MPDZ: variants seen among roughly 807,000 people sequenced by gnomAD.
MPDZ encodes the protein multiple PDZ domain crumbs cell polarity complex component.
MPDZ carries 234 observed loss-of-function variants against 239.1 expected under a neutral mutation model. The observed-to-expected ratio is 0.98, with a 90% CI of 0.88 to 1.09. The LOEUF (loss-of-function observed/expected upper bound fraction) is 1.09, where lower values mean the gene tolerates loss of function less well. MPDZ is among the 50% of genes least tolerant of loss of function. The pLI, the probability that MPDZ is intolerant of heterozygous loss-of-function variation, is 0.00. For synonymous variants in MPDZ, 1,048 were observed against 881.3 expected, an observed-to-expected ratio of 1.19 and a Z score of -3.35; for missense variants, 3,175 against 2,510.0, an observed-to-expected ratio of 1.26 and a Z score of -5.66.
At chr9:13,167,882 G>A (rs1218908459) in intron 22 of MPDZ, among the ~76,000 whole-genome samples, 7 of 152,062 alleles carry the variant, frequency 4.6e-5, no homozygotes, top group Non-Finnish European at 1.0e-4. Context: ...CTATCCCCTG[G>A]GGTCATGAGA....
At chr9:13,116,200 A>G (rs1359637605) in intron 39 of MPDZ, among the ~76,000 whole-genome samples, 10 of 152,156 alleles carry the variant, frequency 6.6e-5, no homozygotes, top group Non-Finnish European at 1.5e-4. Context: ...AATGCCGCAC[A>G]GTCTAATATG....
At chr9:13,196,343 G>A (rs1482821862) in intron 12 of MPDZ, 113 bp from the exon 13 acceptor site, 9 of 606,552 alleles carry the variant, frequency 1.5e-5, no homozygotes, top group East Asian at 8.7e-5. Context: ...CAGACTCTTC[G>A]CCCAATATAT....
At chr9:13,266,361 A>C (rs760956619) in intron 1 of MPDZ, among the ~76,000 whole-genome samples, 7 of 152,056 alleles carry the variant, frequency 4.6e-5, no homozygotes, top group Non-Finnish European at 1.0e-4. Flanking sequence ...TAGTGGTTTG[A>C]CTCCTGTTGG....
At chr9:13,222,698 C>T (rs915339007) in intron 5 of MPDZ, among the ~76,000 whole-genome samples, 2 of 152,078 alleles carry the variant, frequency 1.3e-5, no homozygotes, top group Non-Finnish European at 2.9e-5. Flanking sequence ...GCTACCTACT[C>T]AGCCTACATT....
At chr9:13,175,249 A>G (rs1952307818) in intron 21 of MPDZ, among the ~76,000 whole-genome samples, 1 of 152,196 alleles carries the variant, frequency 6.6e-6, no homozygotes, top group Non-Finnish European at 1.5e-5. Flanking sequence ...GGACAAAAAA[A>G]TCCTGCCACC....
intron 26 of MPDZ, among the ~76,000 whole-genome samples, chr9:13,145,757 G>C (rs890582748): frequency 6.6e-6 from 1 of 152,048 alleles, no homozygotes; most frequent in East Asian, 1.9e-4. Flanking sequence ...AGCAAAATAA[G>C]AGTATTTTCC....
chr9:13,275,631 G>T (rs1973998264), intron 1 of MPDZ, among the ~76,000 whole-genome samples: 1 of 152,146 alleles, frequency 6.6e-6, no homozygotes, highest in Admixed American at 6.5e-5. Flanking sequence ...AAACGTTTTA[G>T]GGTGCATGTT....
intron 14 of MPDZ, 23 bp downstream of exon 14, chr9:13,193,144 G>A (rs1955175336): frequency 1.4e-6 from 2 of 1,465,084 alleles, no homozygotes; most frequent in African/African-American, 1.4e-5. Flanking sequence ...TTAAGGAGGA[G>A]AAGGAACAGC....
chr9:13,255,662 A>G (rs1969265239), intron 1 of MPDZ, among the ~76,000 whole-genome samples: 1 of 152,186 alleles, frequency 6.6e-6, no homozygotes, highest in Non-Finnish European at 1.5e-5. Context: ...ATGAGCAGTA[A>G]TATATTTTAT....
intron 12 of MPDZ, among the ~76,000 whole-genome samples, chr9:13,201,248 T>C (rs1357947487): frequency 1.3e-5 from 2 of 152,106 alleles, no homozygotes; most frequent in African/African-American, 2.4e-5. Context: ...CTCTTCATTT[T>C]TGTTCCCATT....
intron 23 of MPDZ, among the ~76,000 whole-genome samples, chr9:13,159,972 A>G (rs1950268097): frequency 6.6e-6 from 1 of 152,178 alleles, no homozygotes; most frequent in African/African-American, 2.4e-5. Flanking sequence ...AATGTTATCA[A>G]CTATAATAAG....
chr9:13,167,561 C>G (rs946011591), intron 22 of MPDZ, among the ~76,000 whole-genome samples: 41 of 151,984 alleles, frequency 2.7e-4, no homozygotes, highest in African/African-American at 9.9e-4. Flanking sequence ...AAAAAGTCCC[C>G]CATACTAGTA....
intron 24 of MPDZ, among the ~76,000 whole-genome samples, chr9:13,154,249 C>A (rs1318309156): frequency 6.6e-6 from 1 of 151,706 alleles, no homozygotes; most frequent in Admixed American, 6.6e-5. Flanking sequence ...ATTCACTGAA[C>A]AGACAATAGA....
In MPDZ at chr9:13,219,784, T is replaced by A. The variant is rs959624963; in HGVS notation, c.877-16A>T. On this transcript the variant is annotated splice_polypyrimidine_tract_variant and intron_variant, in intron 7 of 46. Transcript: ENST00000319217. ...AACGCCCATGCTGAGTAAAACAATATTGAATAATTAGACTATTATTATTTT... is the reference window on the plus strand; with the variant it reads ...AACGCCCATGCTGAGTAAAACAATAATGAATAATTAGACTATTATTATTTT... 2.5e-6 allele frequency: 4 copies of A among 1,608,450 alleles called. No individual in the cohort carries two copies. In the East Asian group the frequency reaches 9.0e-5, roughly 36 times the overall value.
intron 27 of MPDZ, among the ~76,000 whole-genome samples, chr9:13,140,393 C>CAT (rs535672637): frequency 0.015 from 2,084 of 136,498 alleles, 30 homozygotes; most frequent in Admixed American, 0.019. Context: ...TATATATATA[C>CAT]ATATATATAT....
Position 13,121,947 on chromosome 9 carries a change from G to A in MPDZ, c.5038-15C>T. ...ATTCCATTCACCTGTACAGAAATGG[G>A]ACACTGACTGTAAGGAACATGAGAA... is the stretch of plus-strand genomic sequence containing the variant. On this transcript the variant is annotated splice_polypyrimidine_tract_variant and intron_variant, in intron 37 of 46. Coordinates refer to ENST00000319217, the MANE Select transcript of MPDZ (RefSeq NM_001378778.1). 5.0e-6 allele frequency: 8 copies of A among 1,609,786 alleles called. No homozygotes were observed. The highest frequency in any genetic ancestry group is 5.9e-6 in the Non-Finnish European group (7 of 1,176,880).
At chr9:13,166,977 T>C (rs1951163476) in intron 22 of MPDZ, among the ~76,000 whole-genome samples, 1 of 152,132 alleles carries the variant, frequency 6.6e-6, no homozygotes, top group African/African-American at 2.4e-5. Context: ...CAAGTACTAA[T>C]TCTGGTGATC....
At chr9:13,209,570 T>C (rs920478842) in intron 10 of MPDZ, among the ~76,000 whole-genome samples, 4 of 152,212 alleles carry the variant, frequency 2.6e-5, no homozygotes, top group African/African-American at 9.6e-5. Flanking sequence ...CCAAGGGTCA[T>C]GGAATGTGAA....
At chr9:13,221,666 C>A (rs1026050168) in intron 6 of MPDZ, among the ~76,000 whole-genome samples, 166 bp from the exon 7 acceptor site, 13 of 151,914 alleles carry the variant, frequency 8.6e-5, no homozygotes, top group Middle Eastern at 3.2e-3. Context: ...TCCCTTTCAA[C>A]AGAATGTAAG....
Sources: allele counts gnomAD v4.1 joint callset (sites outside exome capture counted in the v4.1 genomes callset), GRCh38; gene constraint gnomAD v4.1.1; transcripts MANE v1.5; gene names NCBI Gene and HGNC (gene_info 2026-07-23, HGNC 2026-07-21).